Variants in SLC16A9 observed in about 807,000 individuals in gnomAD.
SLC16A9 encodes solute carrier family 16 member 9.
A neutral mutation model predicts 44.3 loss-of-function variants in SLC16A9; 26 were observed. The ratio of observed to expected loss-of-function variants is 0.59; its 90% CI spans 0.43 to 0.81. SLC16A9 has a LOEUF of 0.81. SLC16A9 is among the 40% of genes least tolerant of loss of function. The pLI is 0.00. For synonymous variants in SLC16A9, 230 were observed against 225.1 expected, an observed-to-expected ratio of 1.02 and a Z score of -0.19; for missense variants, 559 against 595.8, an observed-to-expected ratio of 0.94 and a Z score of 0.64.
rs540341098 is a variant in SLC16A9, at chr10:59,689,794, G to A, written c.-36-5467C>T. On this transcript the variant is annotated intron_variant, in intron 1 of 5. Transcript: ENST00000395348. The stretch of plus-strand genomic sequence containing the variant: ...ATCCATACCCCACTTGGTTCCATTT[G>A]GGACAAAGGTAAAGCTGAGGAATAT... Among the ~76,000 whole-genome samples the A allele has an allele frequency of 5.2e-4, 79 of 152,188 alleles. 1 individual carries two copies. The South Asian group carries it at 9.3e-3, about 18-fold the overall frequency.
At chr10:59,653,440 A>AAAAAAAAAAAAAAAAC (rs1429208680) in intron 5 of SLC16A9, among the ~76,000 whole-genome samples, 2 of 148,502 alleles carry the variant, frequency 1.3e-5, no homozygotes, top group Non-Finnish European at 3.0e-5. Context: ...AAAAAAAAAA[A>AAAAAAAAAAAAAAAAC]AAAAAGCAGG....
intron 4 of SLC16A9, among the ~76,000 whole-genome samples, chr10:59,663,113 A>C (rs1250851228): frequency 6.6e-6 from 1 of 152,128 alleles, no homozygotes. Flanking sequence ...TAATCCCAGC[A>C]CTTTGGGAGG....
At chr10:59,665,312 G>A (rs371819409) in intron 3 of SLC16A9, among the ~76,000 whole-genome samples, 11 of 152,158 alleles carry the variant, frequency 7.2e-5, no homozygotes, top group African/African-American at 2.2e-4. Flanking sequence ...TTTTAACTAT[G>A]GCCTATTATG....
chr10:59,698,863 G>A (rs1840458881), intron 1 of SLC16A9, among the ~76,000 whole-genome samples: 1 of 151,674 alleles, frequency 6.6e-6, no homozygotes, highest in South Asian at 2.1e-4. Context: ...TCAGCCTCTC[G>A]AGTAGCTGGG....
chr10:59,674,217 A>G (rs913282653), intron 2 of SLC16A9, among the ~76,000 whole-genome samples: 2 of 152,196 alleles, frequency 1.3e-5, no homozygotes, highest in South Asian at 2.1e-4. Context: ...CAGAGAAACA[A>G]TGGAATCCAT....
Position 59,709,735 on chromosome 10 carries a change from TG to T in SLC16A9, c.-294del, listed in dbSNP as rs1303477004. 1 of 152,672 alleles carries T rather than the reference TG, an allele frequency of 6.5e-6. No individual in the cohort carries two copies. Among genetic ancestry groups the T allele is most frequent in the Non-Finnish European group, 1.5e-5 (1 of 68,516 alleles). The allele number at this position is 152,672 out of a possible 1,614,324, so 9.5% of individuals were successfully genotyped here. A position where few individuals can be genotyped will look rare whatever the true frequency, so the allele number is the denominator to read the frequency against. On this transcript the variant is annotated 5_prime_UTR_variant, in exon 1 of 6. Transcript: ENST00000395348. ...CGCAGCGGCGGCGGCCACATGGAGC[TG>T]GGGAGCCGGCCCCCTTCTCTGAGCT...
Position 59,694,829 on chromosome 10 carries a change from C to CAT in SLC16A9, c.-36-10503_-36-10502insAT, listed in dbSNP as rs1242976008. On this transcript the variant is annotated intron_variant, in intron 1 of 5. Transcript: ENST00000395348. The stretch of plus-strand genomic sequence containing the variant: ...ATATATATATATATACACACACACA[C>CAT]ACACATATATATACACTAAATATTT... 5.6e-5 allele frequency among the ~76,000 whole-genome samples: 4 copies of CAT among 70,836 alleles called. 1 individual carries two copies. The highest frequency in any genetic ancestry group is 1.9e-4 in the African/African-American group (4 of 20,642). 46.5% of individuals were successfully genotyped at this position (70,836 alleles called of 152,430 possible).
chr10:59,680,326 G>A (rs979545137), intron 2 of SLC16A9, among the ~76,000 whole-genome samples: 1 of 152,144 alleles, frequency 6.6e-6, no homozygotes, highest in African/African-American at 2.4e-5. Flanking sequence ...GCTATTATGA[G>A]CTACTGTCCA....
At position 59,672,915 on chromosome 10, in the gene SLC16A9, TA is replaced by T. The variant is rs35757135; in HGVS notation, c.197-3del. On this transcript the variant is annotated splice_region_variant and splice_polypyrimidine_tract_variant and intron_variant, in intron 2 of 5. Coordinates refer to ENST00000395348, the MANE Select transcript of SLC16A9 (RefSeq NM_194298.3). ...AGACACAGAGACTGCAGACAGGACC[TA>T]AAAAAAGAAATGAAACCTTCACTTA... The T allele has an allele frequency of 1.3e-6, 2 of 1,596,696 alleles. No homozygotes were observed. The highest frequency in any genetic ancestry group is 2.2e-5 in the East Asian group (1 of 44,696).
chr10:59,707,734 A>G (rs1840677752), intron 1 of SLC16A9, among the ~76,000 whole-genome samples: 1 of 152,202 alleles, frequency 6.6e-6, no homozygotes, highest in Admixed American at 6.5e-5. Context: ...CTAATTAATT[A>G]GGGGTTTGAA....
In SLC16A9 at chr10:59,654,436, G is replaced by C. The variant is rs1196655494; in HGVS notation, c.590C>G (p.Pro197Arg). 6.2e-7 allele frequency: 1 copy of C among 1,613,364 alleles called. No individual in the cohort carries two copies. The highest frequency in any genetic ancestry group is 1.3e-5 in the African/African-American group (1 of 74,894). Residue 197 changes from proline to arginine, a missense_variant, in exon 5 of 6, where the codon CCT (proline) becomes CGT (arginine). Pro to Arg is a moderately radical substitution (Grantham distance 103, BLOSUM62 -2). Coordinates refer to ENST00000395348, the MANE Select transcript of SLC16A9 (RefSeq NM_194298.3). ...LMRPLQSSDC[P>R]LPKKIAPEDL... ...TTCTGGAGCTATTTTTTTAGGCAAA[G>C]GACAATCAGAAGATTGGAGGGGTCT...
chr10:59,689,445 T>C (rs576447328), intron 1 of SLC16A9, among the ~76,000 whole-genome samples: 43 of 152,300 alleles, frequency 2.8e-4, no homozygotes, highest in African/African-American at 1.0e-3. Context: ...CCTTGAGCAA[T>C]AAAGGGCATC....
intron 2 of SLC16A9, among the ~76,000 whole-genome samples, chr10:59,678,822 C>A (rs1423516813): frequency 6.6e-6 from 1 of 151,744 alleles, no homozygotes; most frequent in African/African-American, 2.4e-5. Context: ...GGATTACAGG[C>A]GTGAGCCACC....
At chr10:59,667,669 A>G (rs1203046414) in intron 3 of SLC16A9, among the ~76,000 whole-genome samples, 1 of 152,194 alleles carries the variant, frequency 6.6e-6, no homozygotes, top group Non-Finnish European at 1.5e-5. Flanking sequence ...AAGGGTTCCA[A>G]GATTAAACAG....
At chr10:59,701,238 G>C (rs1003454799) in intron 1 of SLC16A9, among the ~76,000 whole-genome samples, 2 of 152,276 alleles carry the variant, frequency 1.3e-5, no homozygotes, top group Admixed American at 6.5e-5. Flanking sequence ...AAAGAGTTCT[G>C]CAATCAGACT....
rs146159818 is a variant in SLC16A9, at chr10:59,665,335, G to C, written c.341-1013C>G. On this transcript the variant is annotated intron_variant, in intron 3 of 5. Coordinates refer to ENST00000395348, the MANE Select transcript of SLC16A9 (RefSeq NM_194298.3). ...ATGGCCTATTATGTGAATTATTAAG[G>C]CCATTTTCCTTACTTAAAATAGCTA... is the stretch of plus-strand genomic sequence containing the variant. Among the ~76,000 whole-genome samples the C allele has an allele frequency of 3.5e-3, 535 of 152,142 alleles. 2 individuals carry two copies. The highest frequency in any genetic ancestry group is 0.012 in the African/African-American group (513 of 41,514).
intron 1 of SLC16A9, among the ~76,000 whole-genome samples, chr10:59,688,143 CAG>C (rs976561098): frequency 2.6e-5 from 4 of 152,186 alleles, no homozygotes; most frequent in Non-Finnish European, 5.9e-5. Flanking sequence ...TCAGGTGCAA[CAG>C]AGTCTTTGCC....
In SLC16A9 at chr10:59,653,421, G is replaced by C. The variant is rs1004311807; in HGVS notation, c.1351+254C>G. ...AGCCTGGGCGACAGTGCAAAACTCC[G>C]TCTCAAAAAAAAAAAAAAAAAAAAG... On this transcript the variant is annotated intron_variant, in intron 5 of 5. Coordinates refer to ENST00000395348, the MANE Select transcript of SLC16A9 (RefSeq NM_194298.3). 2.9e-3 allele frequency among the ~76,000 whole-genome samples: 3 copies of C among 1,052 alleles called. No individual in the cohort carries two copies. The South Asian group carries it at 0.3, about 105-fold the overall frequency. 0.7% of individuals were successfully genotyped at this position (1,052 alleles called of 152,430 possible).
intron 1 of SLC16A9, among the ~76,000 whole-genome samples, chr10:59,700,801 C>A (rs1840505893): frequency 6.6e-6 from 1 of 152,122 alleles, no homozygotes; most frequent in Non-Finnish European, 1.5e-5. Context: ...TATGGCATTC[C>A]CTGCATCCTC....
Sources: allele counts gnomAD v4.1 joint callset (sites outside exome capture counted in the v4.1 genomes callset), GRCh38; gene constraint gnomAD v4.1.1; transcripts MANE v1.5; gene names NCBI Gene and HGNC (gene_info 2026-07-23, HGNC 2026-07-21).